AK4: variants seen among roughly 807,000 people sequenced by gnomAD.
AK4 encodes adenylate kinase 4, mitochondrial.
A neutral mutation model predicts 24.6 loss-of-function variants in AK4; 13 were observed. That is an observed-to-expected ratio of 0.53 (90% CI 0.34 to 0.84). The LOEUF is 0.84. Ranked by LOEUF, AK4 falls within the 40% of genes least tolerant of loss-of-function variation. The probability of loss-of-function intolerance (pLI) is 0.01; values close to 1 mark genes in which losing one functional copy is unlikely to be tolerated. For synonymous variants in AK4, 88 were observed against 107.0 expected (o/e 0.82, Z 1.10); for missense variants, 192 against 288.2 (o/e 0.67, Z 2.42).
At chr1:65,174,047 A>T (rs1223628156) in intron 1 of AK4, among the ~76,000 whole-genome samples, 1 of 152,058 alleles carries the variant, frequency 6.6e-6, no homozygotes, top group Non-Finnish European at 1.5e-5. Flanking sequence ...GGTTCAGCTC[A>T]CTGATTTCTT....
chr1:65,164,962 A>C (rs1040632119), intron 1 of AK4, among the ~76,000 whole-genome samples: 2 of 152,242 alleles, frequency 1.3e-5, no homozygotes, highest in African/African-American at 4.8e-5. Context: ...CAGTATTGAC[A>C]GACAAATGGG....
At chr1:65,180,093 G>A (rs1650850018) in intron 1 of AK4, among the ~76,000 whole-genome samples, 1 of 152,162 alleles carries the variant, frequency 6.6e-6, no homozygotes, top group Non-Finnish European at 1.5e-5. Context: ...GTGGTGCCAG[G>A]ATTTGAACTC....
chr1:65,217,399 A>G (rs1652164456), intron 2 of AK4, among the ~76,000 whole-genome samples: 2 of 152,172 alleles, frequency 1.3e-5, no homozygotes, highest in Admixed American at 1.3e-4. Context: ...AAGGGTAGAG[A>G]TGGGCTGGTA....
rs533398286 is a variant in AK4, at chr1:65,188,995, G to A, written c.146-1715G>A. 9.2e-5 allele frequency among the ~76,000 whole-genome samples: 14 copies of A among 151,678 alleles called. No homozygotes were observed. In the East Asian group the frequency reaches 9.7e-4, roughly 11 times the overall value. ...TTGCTCTGTCACCCAGTGCAGTGGC[G>A]CAGTCTTGGCTCACTGCAACCTCTG... is the stretch of plus-strand genomic sequence containing the variant. On this transcript the variant is annotated intron_variant, in intron 1 of 4. Transcript: ENST00000327299.
intron 2 of AK4, among the ~76,000 whole-genome samples, chr1:65,206,481 G>A (rs140075352): frequency 9.8e-5 from 15 of 152,364 alleles, no homozygotes; most frequent in African/African-American, 2.6e-4. Context: ...GGACGCGGTG[G>A]CTTGTGCCTA....
intron 3 of AK4, 143 bp from the exon 4 acceptor site, chr1:65,224,609 C>T (rs369194251): frequency 1.5e-6 from 1 of 656,918 alleles, no homozygotes. Flanking sequence ...TTCTACTACT[C>T]TTAAAATTAC....
chr1:65,172,092 TATATATA>T lies in AK4; in HGVS notation c.146-18617_146-18611del, dbSNP rs1557444531. On this transcript the variant is annotated intron_variant, in intron 1 of 4. Coordinates refer to ENST00000327299, the MANE Select transcript of AK4 (RefSeq NM_013410.4). ...ATATATATATATATATATATATATATATATATATATATTTAAACTCATTACACTTCCC... is the reference window on the plus strand; with the variant it reads ...ATATATATATATATATATATATATATTATATTTAAACTCATTACACTTCCC... Among the ~76,000 whole-genome samples, 5 of 116,680 alleles carry T rather than the reference TATATATA, an allele frequency of 4.3e-5. No individual in the cohort carries two copies. The East Asian group carries it at 8.9e-4, about 21-fold the overall frequency. 76.5% of individuals were successfully genotyped at this position (116,680 alleles called of 152,430 possible).
In AK4 at chr1:65,150,259, C is replaced by G. The variant is rs574733003; in HGVS notation, c.145+1707C>G. ...GAAAATTTTCCATTTGCTCTTTTCC[C>G]TTGTTCTCTCTTTCTCTCTCTCTCT... On this transcript the variant is annotated intron_variant, in intron 1 of 4. Transcript: ENST00000327299. Among the ~76,000 whole-genome samples the G allele has an allele frequency of 4.2e-5, 6 of 143,042 alleles. No individual in the cohort carries two copies. In the South Asian group the frequency reaches 1.3e-3, roughly 32 times the overall value. The allele number at this position is 143,042 out of a possible 152,430, so 93.8% of individuals were successfully genotyped here.
In AK4 at chr1:65,163,761, A is replaced by G. The variant is rs1650245720; in HGVS notation, c.145+15209A>G. Among the ~76,000 whole-genome samples the G allele has an allele frequency of 1.3e-5, 2 of 152,104 alleles. 1 individual carries two copies. The highest frequency in any genetic ancestry group is 4.2e-4 in the South Asian group (2 of 4,816). ...CTGGCGTTTTATTATTACTCAAATC[A>G]ATCTCCTTGAGCATTCAAGGATCAG... On this transcript the variant is annotated intron_variant, in intron 1 of 4. Transcript: ENST00000327299.
chr1:65,155,271 G>A (rs904539619), intron 1 of AK4, among the ~76,000 whole-genome samples: 3 of 150,782 alleles, frequency 2.0e-5, no homozygotes, highest in Admixed American at 1.3e-4. Flanking sequence ...CCAGGAGTTC[G>A]AGACCAGCCT....
chr1:65,218,269 C>CT (rs35038907), intron 2 of AK4, among the ~76,000 whole-genome samples: 25,088 of 152,140 alleles, frequency 0.16, 2,947 homozygotes, highest in African/African-American at 0.33. Context: ...AGATAAAATG[C>CT]TTTCCCTTCA....
At chr1:65,164,998 G>A (rs993831681) in intron 1 of AK4, among the ~76,000 whole-genome samples, 3 of 152,176 alleles carry the variant, frequency 2.0e-5, no homozygotes, top group Admixed American at 2.0e-4. Flanking sequence ...TTAAGCACTT[G>A]TAAAATCAGT....
chr1:65,172,963 A>G (rs1026436735), intron 1 of AK4, among the ~76,000 whole-genome samples: 18 of 149,742 alleles, frequency 1.2e-4, no homozygotes, highest in African/African-American at 4.4e-4. Context: ...TCCGAGTTCA[A>G]GCGATTCTCC....
intron 2 of AK4, among the ~76,000 whole-genome samples, chr1:65,205,065 A>T (rs1042036702): frequency 6.6e-6 from 1 of 152,142 alleles, no homozygotes; most frequent in South Asian, 2.1e-4. Flanking sequence ...ATTTTGCTGG[A>T]TATTTTTTTC....
intron 2 of AK4, among the ~76,000 whole-genome samples, chr1:65,210,004 C>T (rs1261025679): frequency 6.6e-6 from 1 of 152,132 alleles, no homozygotes; most frequent in Non-Finnish European, 1.5e-5. Context: ...GACAGGATCT[C>T]ACTTTGTTGC....
At chr1:65,214,094 TTTGTTG>T (rs887710620) in intron 2 of AK4, among the ~76,000 whole-genome samples, 3 of 151,758 alleles carry the variant, frequency 2.0e-5, no homozygotes, top group African/African-American at 4.9e-5. Flanking sequence ...TGCCCTCATT[TTTGTTG>T]TTGTTGTTGT....
intron 1 of AK4, among the ~76,000 whole-genome samples, chr1:65,184,137 A>G (rs552893664): frequency 1.3e-5 from 2 of 152,336 alleles, no homozygotes; most frequent in Admixed American, 6.5e-5. Context: ...CCAAGATTAT[A>G]TCTATTTGAA....
chr1:65,207,207 C>T (rs1651838112), intron 2 of AK4, among the ~76,000 whole-genome samples: 2 of 152,056 alleles, frequency 1.3e-5, no homozygotes, highest in African/African-American at 4.8e-5. Flanking sequence ...TCTTTTCCTT[C>T]CTCCTCCCTT....
At chr1:65,211,747 AC>A (rs1315372875) in intron 2 of AK4, among the ~76,000 whole-genome samples, 11 of 152,398 alleles carry the variant, frequency 7.2e-5, no homozygotes, top group African/African-American at 2.4e-4. Context: ...ATAGCAGTAA[AC>A]AAGAACTTAA....
Sources: allele counts gnomAD v4.1 joint callset (sites outside exome capture counted in the v4.1 genomes callset), GRCh38; gene constraint gnomAD v4.1.1; transcripts MANE v1.5; gene names NCBI Gene and HGNC (gene_info 2026-07-23, HGNC 2026-07-21).